RNF150: variants seen among roughly 807,000 people sequenced by gnomAD.
RNF150 encodes ring finger protein 150.
A neutral mutation model predicts 39.3 loss-of-function variants in RNF150; 24 were observed. The ratio of observed to expected loss-of-function variants is 0.61; its 90% CI spans 0.44 to 0.86. The LOEUF is 0.86. RNF150 is among the 40% of genes least tolerant of loss of function. RNF150 has a pLI of 0.00. For missense variants in RNF150, 502 were observed against 587.8 expected (o/e 0.85, Z 1.51); for synonymous variants, 255 against 227.3 (o/e 1.12, Z -1.10).
chr4:140,970,302 A>C (rs1733413387), intron 1 of RNF150, among the ~76,000 whole-genome samples: 1 of 152,184 alleles, frequency 6.6e-6, no homozygotes, highest in Non-Finnish European at 1.5e-5. Context: ...GAAGATTAGG[A>C]TGCAATTTTT....
intron 2 of RNF150, among the ~76,000 whole-genome samples, chr4:140,958,343 G>A (rs928774557): frequency 2.6e-5 from 4 of 151,992 alleles, no homozygotes; most frequent in East Asian, 3.9e-4. Context: ...AAGGGCCAGC[G>A]CTCAGTGTTG....
At chr4:140,900,002 G>GTGTGTGTC (rs1352482367) in intron 6 of RNF150, among the ~76,000 whole-genome samples, 29 of 144,608 alleles carry the variant, frequency 2.0e-4, no homozygotes, top group Admixed American at 8.4e-4. Flanking sequence ...GTGTGTGTGT[G>GTGTGTGTC]TGTCCCATTT....
chr4:140,917,185 C>T (rs1377970726), intron 5 of RNF150, among the ~76,000 whole-genome samples: 1 of 152,148 alleles, frequency 6.6e-6, no homozygotes, highest in South Asian at 2.1e-4. Context: ...CAAATTCACA[C>T]ATAACAATAT....
At chr4:140,973,629 C>T (rs1369363780) in intron 1 of RNF150, among the ~76,000 whole-genome samples, 2 of 151,994 alleles carry the variant, frequency 1.3e-5, no homozygotes, top group Non-Finnish European at 2.9e-5. Context: ...GTAATCCCAG[C>T]ACTTTGGGAG....
intron 1 of RNF150, among the ~76,000 whole-genome samples, chr4:141,209,091 A>C (rs1002972516): frequency 2.0e-5 from 3 of 152,164 alleles, no homozygotes; most frequent in Admixed American, 6.5e-5. Flanking sequence ...CACTGCAAAT[A>C]TAAATCTCAG....
intron 1 of RNF150, among the ~76,000 whole-genome samples, chr4:141,171,206 G>A (rs2111172240): frequency 6.6e-6 from 1 of 152,280 alleles, no homozygotes; most frequent in South Asian, 2.1e-4. Flanking sequence ...TTCCTCGCCA[G>A]CCCACACTGC....
intron 1 of RNF150, among the ~76,000 whole-genome samples, chr4:141,194,922 G>A (rs1000077940): frequency 5.9e-5 from 9 of 152,088 alleles, no homozygotes; most frequent in African/African-American, 2.2e-4. Context: ...CTGGTCATGA[G>A]GATTAAATGA....
chr4:141,032,841 A>G (rs80220898), intron 1 of RNF150, among the ~76,000 whole-genome samples: 1 of 152,226 alleles, frequency 6.6e-6, no homozygotes, highest in African/African-American at 2.4e-5. Context: ...GTGTACAATA[A>G]CATAATGTCT....
At chr4:140,957,297 A>G (rs1732799484) in intron 2 of RNF150, among the ~76,000 whole-genome samples, 1 of 152,174 alleles carries the variant, frequency 6.6e-6, no homozygotes, top group Non-Finnish European at 1.5e-5. Flanking sequence ...AACACATGAA[A>G]AAATGCTCAC....
intron 6 of RNF150, among the ~76,000 whole-genome samples, chr4:140,870,950 T>A (rs1373513885): frequency 2.0e-5 from 3 of 151,884 alleles, no homozygotes; most frequent in Non-Finnish European, 4.4e-5. Flanking sequence ...TACTCAGTGC[T>A]CTCCTTAAAC....
At chr4:141,013,143 T>C (rs1358701217) in intron 1 of RNF150, among the ~76,000 whole-genome samples, 1 of 152,188 alleles carries the variant, frequency 6.6e-6, no homozygotes, top group Admixed American at 6.5e-5. Flanking sequence ...GATTATGTCA[T>C]GGTGGTTGTA....
chr4:140,957,446 G>A (rs1231430050), intron 2 of RNF150, among the ~76,000 whole-genome samples: 1 of 152,168 alleles, frequency 6.6e-6, no homozygotes, highest in Non-Finnish European at 1.5e-5. Flanking sequence ...CTTCTACACT[G>A]TTGGTGGGAC....
chr4:141,110,237 A>G (rs1438603144), intron 1 of RNF150, among the ~76,000 whole-genome samples: 1 of 152,152 alleles, frequency 6.6e-6, no homozygotes, highest in East Asian at 1.9e-4. Context: ...GCACTTGCTT[A>G]TGGGCCCAGA....
chr4:140,925,497 G>A (rs1003307728), intron 5 of RNF150, among the ~76,000 whole-genome samples: 1 of 152,182 alleles, frequency 6.6e-6, no homozygotes, highest in South Asian at 2.1e-4. Flanking sequence ...GAGTTTAGCT[G>A]AGGCTTTGAG....
intron 1 of RNF150, among the ~76,000 whole-genome samples, chr4:141,030,239 CA>C (rs1404675560): frequency 4.0e-5 from 6 of 149,546 alleles, no homozygotes; most frequent in Non-Finnish European, 7.4e-5. Flanking sequence ...AAATGCAAAC[CA>C]AAACTATGAG....
chr4:140,981,176 G>A (rs1003554170), intron 1 of RNF150, among the ~76,000 whole-genome samples: 13 of 152,138 alleles, frequency 8.5e-5, no homozygotes, highest in Non-Finnish European at 1.8e-4. Flanking sequence ...TTAAGGTCAA[G>A]TTAAAAGACC....
intron 4 of RNF150, among the ~76,000 whole-genome samples, chr4:140,941,142 G>C (rs1003848428): frequency 2.0e-5 from 3 of 152,130 alleles, no homozygotes; most frequent in African/African-American, 7.2e-5. Flanking sequence ...TTTGGCTATA[G>C]GTAGGCCACA....
At chr4:141,010,086 T>C (rs1436060872) in intron 1 of RNF150, among the ~76,000 whole-genome samples, 1 of 152,230 alleles carries the variant, frequency 6.6e-6, no homozygotes, top group Non-Finnish European at 1.5e-5. Context: ...AGTGATTCAA[T>C]AGAAAGACAA....
rs1578757919 is a variant in RNF150 at position 141,132,299 on chromosome 4, T to C, written c.484+26A>G. On this transcript the variant is annotated intron_variant, in intron 1 of 6. Coordinates refer to ENST00000515673, the MANE Select transcript of RNF150 (RefSeq NM_020724.2). This position sits in a 1 kb window ranked among gnomAD's most constrained non-coding sequence, Gnocchi z 4.9. ...GCACCTCCGTCCCCGCCGGCTCCCC[T>C]CCCCCGCGCCCGCTGGGCCACTCAC... The C allele has an allele frequency of 6.4e-7, 1 of 1,555,340 alleles. No homozygotes were observed. The highest frequency in any genetic ancestry group is 8.7e-7 in the Non-Finnish European group (1 of 1,149,322).
Sources: allele counts gnomAD v4.1 joint callset (sites outside exome capture counted in the v4.1 genomes callset), GRCh38; gene constraint gnomAD v4.1.1; non-coding constraint Gnocchi (gnomAD v3.1); transcripts MANE v1.5; gene names NCBI Gene and HGNC (gene_info 2026-07-23, HGNC 2026-07-21).